The following FAF1 variants were observed in gnomAD, a reference collection of about 807,000 sequenced individuals.
FAF1 encodes Fas associated factor 1.
FAF1 carries 25 observed loss-of-function variants against 92.5 expected under a neutral mutation model. That is an observed-to-expected ratio of 0.27 (90% CI 0.20 to 0.38). The LOEUF (loss-of-function observed/expected upper bound fraction) is 0.38, where lower values mean the gene tolerates loss of function less well. Ranked by LOEUF, FAF1 falls within the 10% of genes least tolerant of loss-of-function variation. The probability of loss-of-function intolerance (pLI) is 1.00; values close to 1 mark genes in which losing one functional copy is unlikely to be tolerated. For synonymous variants in FAF1, 234 were observed against 273.2 expected (o/e 0.86, Z 1.42); for missense variants, 636 against 793.3 (o/e 0.80, Z 2.38).
chr1:50,522,592 A>T (rs1647560629), intron 15 of FAF1, among the ~76,000 whole-genome samples: 1 of 152,218 alleles, frequency 6.6e-6, no homozygotes, highest in African/African-American at 2.4e-5. Flanking sequence ...ATTAAAGTTC[A>T]TGAAGGCAGA....
At chr1:50,934,395 C>T (rs902035759) in intron 1 of FAF1, among the ~76,000 whole-genome samples, 2 of 152,118 alleles carry the variant, frequency 1.3e-5, no homozygotes, top group African/African-American at 4.8e-5. Flanking sequence ...ATATGCAGGT[C>T]TGTGGGCAAC....
rs576920821 is a variant in FAF1 at position 50,824,429 on chromosome 1, C to T, written c.115-22752G>A. Among the ~76,000 whole-genome samples the T allele has an allele frequency of 7.9e-5, 12 of 152,032 alleles. No homozygotes were observed. The South Asian group carries it at 2.1e-3, about 26-fold the overall frequency. On this transcript the variant is annotated intron_variant, in intron 2 of 18. Transcript: ENST00000396153. Reference sequence around the variant, plus strand: ...TTATAATAATGTTAATCCTTTTTCTCGCCTATATTTCTTCTTTGCATCAAC... The same window carrying T: ...TTATAATAATGTTAATCCTTTTTCTTGCCTATATTTCTTCTTTGCATCAAC...
rs563317329 is a variant in FAF1 at position 50,763,528 on chromosome 1, C to T, written c.368-18753G>A. Among the ~76,000 whole-genome samples the T allele has an allele frequency of 5.3e-5, 8 of 152,232 alleles. No individual in the cohort carries two copies. In the East Asian group the frequency reaches 1.5e-3, roughly 29 times the overall value. On this transcript the variant is annotated intron_variant, in intron 4 of 18. Coordinates refer to ENST00000396153, the MANE Select transcript of FAF1 (RefSeq NM_007051.3). ...TCCACTCTCTCCTCTATTTTAGGGG[C>T]TCTAATCAGACATACATTGTACCAT...
chr1:50,527,779 A>G (rs1365650697), intron 15 of FAF1, among the ~76,000 whole-genome samples: 2 of 147,982 alleles, frequency 1.4e-5, no homozygotes, highest in Non-Finnish European at 3.0e-5. Flanking sequence ...GTGTCATTTG[A>G]TGAAGTATTT....
At chr1:50,589,306 G>A (rs1194088922) in intron 9 of FAF1, among the ~76,000 whole-genome samples, 1 of 152,082 alleles carries the variant, frequency 6.6e-6, no homozygotes, top group Non-Finnish European at 1.5e-5. Context: ...CTCTGGGGAG[G>A]AGGGATTTCA....
At chr1:50,765,607 A>C (rs12741763) in intron 4 of FAF1, among the ~76,000 whole-genome samples, 10,121 of 152,290 alleles carry the variant, frequency 0.066, 473 homozygotes, top group Non-Finnish European at 0.1. Flanking sequence ...CTGCAATCTT[A>C]CAATAACTAA....
intron 10 of FAF1, among the ~76,000 whole-genome samples, chr1:50,584,354 G>A (rs1329242306): frequency 2.0e-5 from 3 of 152,022 alleles, no homozygotes; most frequent in African/African-American, 7.2e-5. Flanking sequence ...AATAAGATGT[G>A]GGGAAACAAG....
chr1:50,560,923 C>T (rs1043994683), intron 13 of FAF1, among the ~76,000 whole-genome samples: 3 of 152,174 alleles, frequency 2.0e-5, no homozygotes, highest in African/African-American at 7.2e-5. Flanking sequence ...GAGGGCACAG[C>T]CTTTATAGAG....
intron 1 of FAF1, among the ~76,000 whole-genome samples, chr1:50,911,260 T>C (rs1174303265): frequency 6.6e-6 from 1 of 151,400 alleles, no homozygotes; most frequent in Admixed American, 6.6e-5. Flanking sequence ...TTAGTAGAGA[T>C]GGGGTTTCAC....
At chr1:50,792,690 G>A (rs958747071) in intron 3 of FAF1, among the ~76,000 whole-genome samples, 4 of 152,168 alleles carry the variant, frequency 2.6e-5, no homozygotes, top group Non-Finnish European at 5.9e-5. Flanking sequence ...GGAGGATACT[G>A]CATTAAAGCA....
chr1:50,853,075 A>G (rs1644363653), intron 2 of FAF1, among the ~76,000 whole-genome samples: 2 of 152,120 alleles, frequency 1.3e-5, no homozygotes, highest in East Asian at 1.9e-4. Flanking sequence ...CTGCTTTCGG[A>G]TGAGGACAGA....
At chr1:50,952,432 T>C (rs1319183334) in intron 1 of FAF1, among the ~76,000 whole-genome samples, 4 of 152,122 alleles carry the variant, frequency 2.6e-5, no homozygotes, top group Non-Finnish European at 5.9e-5. Context: ...CAGGCTGGAG[T>C]GCAGTGGCGT....
At chr1:50,654,768 T>C (rs1157601968) in intron 8 of FAF1, among the ~76,000 whole-genome samples, 1 of 152,178 alleles carries the variant, frequency 6.6e-6, no homozygotes, top group Non-Finnish European at 1.5e-5. Flanking sequence ...GCCTTGAACA[T>C]TTCATTAGTA....
At chr1:50,685,662 T>C (rs986384263) in intron 7 of FAF1, among the ~76,000 whole-genome samples, 1 of 152,236 alleles carries the variant, frequency 6.6e-6, no homozygotes, top group Non-Finnish European at 1.5e-5. Flanking sequence ...TTTCATCTTG[T>C]TCAGCTTTAT....
chr1:50,669,703 C>T (rs906112529), intron 7 of FAF1, among the ~76,000 whole-genome samples: 1 of 152,318 alleles, frequency 6.6e-6, no homozygotes, highest in Non-Finnish European at 1.5e-5. Context: ...ATGTAATAAT[C>T]TATAAGAGCA....
At position 50,517,497 on chromosome 1, in the gene FAF1, G is replaced by T. The variant is rs148531719; in HGVS notation, c.1494+17872C>A. ...TGCTTATTACATACTAGGTACCAGT[G>T]CATGTTAATAGCAGGTAGGTACTAT... On this transcript the variant is annotated intron_variant, in intron 15 of 18. Transcript: ENST00000396153. Among the ~76,000 whole-genome samples the T allele has an allele frequency of 3.1e-3, 477 of 152,250 alleles. 3 individuals are homozygous for T. Among genetic ancestry groups the T allele is most frequent in the Middle Eastern group, 6.8e-3 (2 of 294 alleles).
At chr1:50,760,345 C>T (rs1208884488) in intron 4 of FAF1, among the ~76,000 whole-genome samples, 1 of 152,176 alleles carries the variant, frequency 6.6e-6, no homozygotes, top group African/African-American at 2.4e-5. Flanking sequence ...ACCTAAGAGA[C>T]ATCTACAGAA....
At chr1:50,906,941 C>T (rs1301274415) in intron 1 of FAF1, among the ~76,000 whole-genome samples, 1 of 152,204 alleles carries the variant, frequency 6.6e-6, no homozygotes, top group African/African-American at 2.4e-5. Context: ...TGAGAGAGGG[C>T]ATCCCTGTCT....
intron 1 of FAF1, among the ~76,000 whole-genome samples, chr1:50,921,707 G>C (rs892997803): frequency 2.2e-4 from 34 of 152,028 alleles, no homozygotes; most frequent in African/African-American, 8.2e-4. Flanking sequence ...CCTGAGCCAG[G>C]AGGCAGAGGC....
Sources: allele counts gnomAD v4.1 joint callset (sites outside exome capture counted in the v4.1 genomes callset), GRCh38; gene constraint gnomAD v4.1.1; transcripts MANE v1.5; gene names NCBI Gene and HGNC (gene_info 2026-07-23, HGNC 2026-07-21).